LRRC1: variants seen among roughly 807,000 people sequenced by gnomAD.
The protein encoded by LRRC1 is leucine-rich repeat-containing protein 1.
Under a neutral mutation model 69.9 loss-of-function variants are expected in LRRC1, and 28 were observed. The observed-to-expected ratio is 0.40, with a 90% CI of 0.30 to 0.55. The LOEUF (loss-of-function observed/expected upper bound fraction) is 0.55, where lower values mean the gene tolerates loss of function less well. Ranked by LOEUF, LRRC1 falls within the 20% of genes least tolerant of loss-of-function variation. The pLI is 0.47. For synonymous variants in LRRC1, 236 were observed against 240.2 expected (o/e 0.98, Z 0.16); for missense variants, 498 against 609.0 (o/e 0.82, Z 1.92).
At chr6:53,904,543 C>T (rs1768170628) in intron 10 of LRRC1, 81 bp downstream of exon 10, 2 of 979,650 alleles carry the variant, frequency 2.0e-6, no homozygotes, top group East Asian at 5.4e-5. Flanking sequence ...ATGTCAAATG[C>T]TTTGAAAAGA....
chr6:53,897,391 A>C, intron 7 of LRRC1, 32 bp downstream of exon 7: 1 of 1,436,622 alleles, frequency 7.0e-7, no homozygotes, highest in African/African-American at 1.4e-5. Context: ...TCTCCCCAAA[A>C]CATAAAACAG....
At chr6:53,857,200 AAGTC>A (rs1449072558) in intron 2 of LRRC1, among the ~76,000 whole-genome samples, 1 of 152,176 alleles carries the variant, frequency 6.6e-6, no homozygotes, top group East Asian at 1.9e-4. Context: ...GGTAGGAATG[AAGTC>A]AGTCAGGGAG....
intron 2 of LRRC1, among the ~76,000 whole-genome samples, chr6:53,847,218 C>G (rs1002054745): frequency 6.6e-6 from 1 of 152,038 alleles, no homozygotes; most frequent in Admixed American, 6.5e-5. Flanking sequence ...TCTTTTGTAT[C>G]TCGTGGTGAT....
intron 1 of LRRC1, among the ~76,000 whole-genome samples, chr6:53,812,571 T>A (rs1317890663): frequency 6.6e-6 from 1 of 151,234 alleles, no homozygotes; most frequent in Non-Finnish European, 1.5e-5. Flanking sequence ...GCGCCTGTAG[T>A]CCCAGCTACT....
chr6:53,916,518 T>C (rs1005432077), intron 11 of LRRC1, among the ~76,000 whole-genome samples: 3 of 151,966 alleles, frequency 2.0e-5, no homozygotes, highest in Non-Finnish European at 4.4e-5. Flanking sequence ...GGGGTTTTTT[T>C]CCTTAAAAAA....
At chr6:53,910,082 C>T (rs1490129558) in intron 10 of LRRC1, among the ~76,000 whole-genome samples, 1 of 152,098 alleles carries the variant, frequency 6.6e-6, no homozygotes, top group African/African-American at 2.4e-5. Flanking sequence ...ATCTGCAGAA[C>T]CTATTTTCTT....
intron 1 of LRRC1, among the ~76,000 whole-genome samples, chr6:53,841,617 G>A (rs1042096049): frequency 1.3e-5 from 2 of 152,054 alleles, no homozygotes; most frequent in Non-Finnish European, 1.5e-5. Flanking sequence ...AGACTTTTTA[G>A]ACTGGTCAAA....
rs185080639 is a variant in LRRC1, at chr6:53,874,075, G to A, written c.278-4918G>A. The stretch of plus-strand genomic sequence containing the variant: ...TTGCCTGAACAGTGATGCTCATCCT[G>A]TGATGAATTTGCTTGTTTATTCTTA... On this transcript the variant is annotated intron_variant, in intron 2 of 13. Transcript: ENST00000370888. Among the ~76,000 whole-genome samples, 885 of 152,306 alleles carry A rather than the reference G, an allele frequency of 5.8e-3. 5 individuals carry two copies. Among genetic ancestry groups the A allele is most frequent in the Admixed American group, 7.8e-3 (119 of 15,304 alleles).
chr6:53,888,720 T>C (rs1351526561), intron 4 of LRRC1, among the ~76,000 whole-genome samples: 1 of 152,150 alleles, frequency 6.6e-6, no homozygotes, highest in African/African-American at 2.4e-5. Context: ...TAAATCAAAA[T>C]CAGAGATCTG....
intron 1 of LRRC1, among the ~76,000 whole-genome samples, chr6:53,812,408 A>T (rs572419021): frequency 1.3e-5 from 2 of 151,692 alleles, no homozygotes; most frequent in Non-Finnish European, 2.9e-5. Flanking sequence ...TTGAAGAAAG[A>T]GGCCGGGCGC....
At chr6:53,814,578 G>T (rs1412753945) in intron 1 of LRRC1, among the ~76,000 whole-genome samples, 1 of 152,216 alleles carries the variant, frequency 6.6e-6, no homozygotes, top group Non-Finnish European at 1.5e-5. Flanking sequence ...CCCCAAGGTT[G>T]GTCCAAGCAA....
intron 10 of LRRC1, among the ~76,000 whole-genome samples, chr6:53,907,122 C>CT (rs1351701106): frequency 6.6e-6 from 1 of 152,212 alleles, no homozygotes; most frequent in African/African-American, 2.4e-5. Context: ...GGCCCTGTGA[C>CT]TGTGTGTATG....
chr6:53,892,526 G>A (rs1042777753), intron 4 of LRRC1, among the ~76,000 whole-genome samples: 1 of 152,110 alleles, frequency 6.6e-6, no homozygotes, highest in African/African-American at 2.4e-5. Context: ...TCCCACTCCC[G>A]AAGCTGCTCA....
At chr6:53,846,601 C>T (rs930751514) in intron 2 of LRRC1, among the ~76,000 whole-genome samples, 6 of 152,064 alleles carry the variant, frequency 3.9e-5, no homozygotes, top group African/African-American at 1.4e-4. Context: ...TTTTTTAAAA[C>T]AGGCAAATGT....
intron 1 of LRRC1, among the ~76,000 whole-genome samples, chr6:53,803,360 C>T (rs1764541190): frequency 6.6e-6 from 1 of 152,138 alleles, no homozygotes; most frequent in Non-Finnish European, 1.5e-5. Context: ...GGCAAGTTCA[C>T]CTATTTTAGG....
chr6:53,891,924 G>A (rs558495974), intron 4 of LRRC1, among the ~76,000 whole-genome samples: 1 of 151,216 alleles, frequency 6.6e-6, no homozygotes, highest in East Asian at 1.9e-4. Flanking sequence ...CCCAGGAGGC[G>A]GAGGTTGCAG....
At chr6:53,859,936 G>C (rs1766441420) in intron 2 of LRRC1, among the ~76,000 whole-genome samples, 1 of 152,186 alleles carries the variant, frequency 6.6e-6, no homozygotes, top group South Asian at 2.1e-4. Context: ...AGCCCATGCT[G>C]GTCACAACCA....
intron 10 of LRRC1, among the ~76,000 whole-genome samples, chr6:53,908,650 A>G (rs1052862747): frequency 1.3e-5 from 2 of 152,160 alleles, no homozygotes; most frequent in South Asian, 2.1e-4. Context: ...TCTACAGGAA[A>G]ATTCGATTTC....
chr6:53,873,211 A>G (rs1024870963), intron 2 of LRRC1, among the ~76,000 whole-genome samples: 1 of 151,194 alleles, frequency 6.6e-6, no homozygotes, highest in Non-Finnish European at 1.5e-5. Context: ...TTTTGTAGCT[A>G]TTATAAATGG....
Sources: gnomAD v4.1 joint callset for allele counts (sites outside exome capture counted in the v4.1 genomes callset) on GRCh38, gnomAD v4.1.1 for gene constraint, MANE v1.5 for transcripts, NCBI Gene and HGNC (gene_info 2026-07-23, HGNC 2026-07-21) for gene names.